Variants in GTF2B observed in about 807,000 individuals in gnomAD.
GTF2B encodes the protein transcription initiation factor IIB.
Under a neutral mutation model 34.6 loss-of-function variants are expected in GTF2B, and 20 were observed. The observed-to-expected ratio is 0.58, with a 90% CI of 0.41 to 0.84. GTF2B has a LOEUF of 0.84. Among genes scored for constraint, GTF2B ranks in the 40% least tolerant of loss-of-function variants. The pLI, the probability that GTF2B is intolerant of heterozygous loss-of-function variation, is 0.00. For synonymous variants in GTF2B, 142 were observed against 132.4 expected, an observed-to-expected ratio of 1.07 and a Z score of -0.50; for missense variants, 237 against 393.3, an observed-to-expected ratio of 0.60 and a Z score of 3.36.
intron 1 of GTF2B, among the ~76,000 whole-genome samples, chr1:88,889,305 T>C (rs1162067899): frequency 6.6e-6 from 1 of 152,146 alleles, no homozygotes; most frequent in Non-Finnish European, 1.5e-5. Flanking sequence ...GTAAACTTAA[T>C]CAAATTACCC....
intron 5 of GTF2B, among the ~76,000 whole-genome samples, 163 bp from the exon 6 acceptor site, chr1:88,857,650 T>G (rs1673343254): frequency 6.6e-6 from 1 of 151,418 alleles, no homozygotes. Context: ...TCCCACAGAG[T>G]TAACTGCAAA....
chr1:88,865,911 AG>A (rs1334598071), intron 2 of GTF2B, among the ~76,000 whole-genome samples: 1 of 152,158 alleles, frequency 6.6e-6, no homozygotes. Flanking sequence ...AAAGCTTCCA[AG>A]TGCTCCGCTA....
At chr1:88,857,934 G>A (rs191629652) in intron 5 of GTF2B, among the ~76,000 whole-genome samples, 29 of 151,478 alleles carry the variant, frequency 1.9e-4, no homozygotes, top group African/African-American at 3.6e-4. Context: ...CTCCTACCTC[G>A]GCCTCCCAAA....
intron 3 of GTF2B, among the ~76,000 whole-genome samples, chr1:88,860,669 A>G (rs1183002827): frequency 6.6e-6 from 1 of 152,048 alleles, no homozygotes; most frequent in Non-Finnish European, 1.5e-5. Flanking sequence ...ATAATGTAAA[A>G]CATTATATTA....
intron 2 of GTF2B, among the ~76,000 whole-genome samples, chr1:88,881,610 G>A (rs755675359): frequency 1.3e-5 from 2 of 151,966 alleles, no homozygotes; most frequent in South Asian, 2.1e-4. Flanking sequence ...TGGATTCTTC[G>A]CTTACAAGAT....
intron 2 of GTF2B, among the ~76,000 whole-genome samples, chr1:88,872,979 T>C (rs1227718128): frequency 2.0e-5 from 3 of 152,172 alleles, no homozygotes; most frequent in Non-Finnish European, 2.9e-5. Flanking sequence ...GATCCCTGTT[T>C]CTCTTTATTA....
chr1:88,853,029 A>G lies in GTF2B; in HGVS notation c.*184T>C. 1.9e-6 allele frequency: 1 copy of G among 521,590 alleles called. No individual in the cohort carries two copies. The highest frequency in any genetic ancestry group is 3.4e-6 in the Non-Finnish European group (1 of 295,082). 32.3% of individuals were successfully genotyped at this position (521,590 alleles called of 1,614,324 possible). On this transcript the variant is annotated 3_prime_UTR_variant, in exon 7 of 7. Coordinates refer to ENST00000370500, the MANE Select transcript of GTF2B (RefSeq NM_001514.6). ...TGCTACAAAAGAAATTTGATAAGAA[A>G]TTTAAATCATTAAATATGTTTCACT...
At chr1:88,854,138 T>C (rs571088578) in intron 6 of GTF2B, among the ~76,000 whole-genome samples, 4 of 152,356 alleles carry the variant, frequency 2.6e-5, no homozygotes, top group African/African-American at 9.6e-5. Flanking sequence ...ATTCACTTTA[T>C]ATTTCTGTGT....
At chr1:88,884,027 T>C (rs1674007825) in intron 2 of GTF2B, among the ~76,000 whole-genome samples, 1 of 141,524 alleles carries the variant, frequency 7.1e-6, no homozygotes, top group Non-Finnish European at 1.6e-5. Context: ...CACTGACTTT[T>C]TTTTTTTTTT....
At chr1:88,872,044 T>A (rs896921188) in intron 2 of GTF2B, among the ~76,000 whole-genome samples, 3 of 152,314 alleles carry the variant, frequency 2.0e-5, no homozygotes, top group African/African-American at 7.2e-5. Context: ...AGAAGATTGT[T>A]CTATGGCTTC....
intron 3 of GTF2B, among the ~76,000 whole-genome samples, chr1:88,862,594 T>C (rs945307649): frequency 5.3e-5 from 8 of 152,236 alleles, no homozygotes; most frequent in Non-Finnish European, 1.0e-4. Context: ...ATGCCTGTAA[T>C]CCCAGCACTT....
At chr1:88,890,269 A>T (rs977413264) in intron 1 of GTF2B, among the ~76,000 whole-genome samples, 1 of 152,242 alleles carries the variant, frequency 6.6e-6, no homozygotes, top group Non-Finnish European at 1.5e-5. Flanking sequence ...ACACCCAGAT[A>T]GAATGACTGA....
At chr1:88,857,090 C>T (rs568023106) in intron 6 of GTF2B, 116 bp downstream of exon 6, 29 of 924,360 alleles carry the variant, frequency 3.1e-5, no homozygotes, top group Admixed American at 2.1e-4. Flanking sequence ...TGTGAGCCCC[C>T]GCGCCTGGTC....
intron 2 of GTF2B, among the ~76,000 whole-genome samples, chr1:88,867,230 C>T (rs1170185666): frequency 6.6e-6 from 1 of 152,108 alleles, no homozygotes; most frequent in Non-Finnish European, 1.5e-5. Context: ...ACCCAATGAC[C>T]ACTATATTTT....
At chr1:88,853,720 C>T (rs1331852124) in intron 6 of GTF2B, among the ~76,000 whole-genome samples, 2 of 152,180 alleles carry the variant, frequency 1.3e-5, no homozygotes, top group African/African-American at 4.8e-5. Flanking sequence ...AGGAGAATCG[C>T]TTGAACCCAG....
At chr1:88,878,184 C>T (rs971279396) in intron 2 of GTF2B, among the ~76,000 whole-genome samples, 1 of 151,934 alleles carries the variant, frequency 6.6e-6, no homozygotes, top group African/African-American at 2.4e-5. Flanking sequence ...GTGAGAGGAT[C>T]GCTTGAACGA....
Position 88,852,989 on chromosome 1 carries a change from TAC to T in GTF2B, c.*222_*223del, listed in dbSNP as rs769937285. On this transcript the variant is annotated 3_prime_UTR_variant, in exon 7 of 7. Transcript: ENST00000370500. Reference sequence around the variant, plus strand: ...ACATAATTTCAAATATCTTCCAAAATACAGTTTCCTAGATTGCTACAAAAGAA... The same window carrying T: ...ACATAATTTCAAATATCTTCCAAAATAGTTTCCTAGATTGCTACAAAAGAA... The T allele has an allele frequency of 1.5e-5, 7 of 453,312 alleles. No homozygotes were observed. Among genetic ancestry groups the T allele is most frequent in the African/African-American group, 4.0e-5 (2 of 50,282 alleles). 28.1% of individuals were successfully genotyped at this position (453,312 alleles called of 1,614,324 possible). A position where few individuals can be genotyped will look rare whatever the true frequency, so the allele number is the denominator to read the frequency against.
At chr1:88,886,451 T>G (rs1674070261) in intron 2 of GTF2B, among the ~76,000 whole-genome samples, 1 of 152,220 alleles carries the variant, frequency 6.6e-6, no homozygotes, top group Non-Finnish European at 1.5e-5. Context: ...GGTGAAACTT[T>G]AAGTGTTATT....
At chr1:88,886,331 T>C (rs561356679) in intron 2 of GTF2B, among the ~76,000 whole-genome samples, 4 of 152,196 alleles carry the variant, frequency 2.6e-5, no homozygotes, top group African/African-American at 7.2e-5. Flanking sequence ...CTGCTAAATA[T>C]TACCCCTATT....
Sources: gnomAD v4.1 joint callset for allele counts (sites outside exome capture counted in the v4.1 genomes callset) on GRCh38, gnomAD v4.1.1 for gene constraint, MANE v1.5 for transcripts, NCBI Gene and HGNC (gene_info 2026-07-23, HGNC 2026-07-21) for gene names.